EBF2: variants seen among roughly 807,000 people sequenced by gnomAD.
EBF2 encodes the protein transcription factor COE2.
In EBF2, 21 loss-of-function variants were observed where a neutral mutation model predicts 72.8. The ratio of observed to expected loss-of-function variants is 0.29; its 90% CI spans 0.20 to 0.42. EBF2 has a LOEUF of 0.42. Among genes scored for constraint, EBF2 ranks in the 10% least tolerant of loss-of-function variants. EBF2 has a pLI of 1.00. For synonymous variants in EBF2, 299 were observed against 274.2 expected (o/e 1.09, Z -0.89); for missense variants, 637 against 731.2 (o/e 0.87, Z 1.49).
intron 6 of EBF2, among the ~76,000 whole-genome samples, chr8:25,946,623 C>G (rs1437844140): frequency 6.6e-6 from 1 of 152,318 alleles, no homozygotes; most frequent in East Asian, 1.9e-4. Context: ...AATGACAACA[C>G]CCTCTTTGAC....
chr8:26,024,007 T>C (rs1189994913), intron 6 of EBF2, among the ~76,000 whole-genome samples: 1 of 152,182 alleles, frequency 6.6e-6, no homozygotes, highest in African/African-American at 2.4e-5. Context: ...CAAAGTAATG[T>C]CAAAATACTT....
intron 6 of EBF2, among the ~76,000 whole-genome samples, chr8:25,953,287 A>G (rs1048279685): frequency 2.6e-5 from 4 of 152,258 alleles, no homozygotes; most frequent in Non-Finnish European, 5.9e-5. Context: ...CATGTCTTCA[A>G]TGGCTGGCAC....
intron 6 of EBF2, among the ~76,000 whole-genome samples, chr8:25,989,062 T>C (rs1452516330): frequency 6.6e-6 from 1 of 152,232 alleles, no homozygotes; most frequent in Non-Finnish European, 1.5e-5. Context: ...CTAGGCTCTG[T>C]CACTTACTGA....
intron 6 of EBF2, among the ~76,000 whole-genome samples, chr8:26,027,996 C>G (rs1304656176): frequency 6.6e-6 from 1 of 152,040 alleles, no homozygotes; most frequent in Non-Finnish European, 1.5e-5. Flanking sequence ...TCAGTGGGTA[C>G]AGAGTTTTAG....
intron 6 of EBF2, among the ~76,000 whole-genome samples, chr8:25,979,890 A>G (rs1345812447): frequency 6.6e-6 from 1 of 151,782 alleles, no homozygotes; most frequent in Admixed American, 6.6e-5. Context: ...AATAACACCC[A>G]CCCAACCATC....
intron 6 of EBF2, among the ~76,000 whole-genome samples, chr8:25,935,049 A>T (rs1803553039): frequency 6.6e-6 from 1 of 152,166 alleles, no homozygotes; most frequent in Non-Finnish European, 1.5e-5. Flanking sequence ...AGCGGGCAGG[A>T]TCCCAACGCG....
intron 1 of EBF2, among the ~76,000 whole-genome samples, chr8:26,042,729 A>G (rs1286164235): frequency 6.6e-6 from 1 of 152,170 alleles, no homozygotes; most frequent in Non-Finnish European, 1.5e-5. Flanking sequence ...CCTTTTATTT[A>G]GTATTAATTC....
At chr8:26,010,190 G>A (rs895492365) in intron 6 of EBF2, among the ~76,000 whole-genome samples, 6 of 152,088 alleles carry the variant, frequency 3.9e-5, no homozygotes, top group South Asian at 2.1e-4. Context: ...TTGTCTGGCC[G>A]TGGCATTTTT....
chr8:25,907,458 T>G (rs1803055732), intron 7 of EBF2, among the ~76,000 whole-genome samples: 1 of 128,818 alleles, frequency 7.8e-6, no homozygotes, highest in Non-Finnish European at 1.7e-5. Context: ...AAAAAATTAT[T>G]CAGAATTTCA....
intron 6 of EBF2, among the ~76,000 whole-genome samples, chr8:25,947,099 C>T (rs1341718828): frequency 2.6e-5 from 4 of 152,146 alleles, no homozygotes; most frequent in Admixed American, 2.6e-4. Context: ...CAACCCATGA[C>T]CCACTGATAT....
At chr8:25,859,187 G>A (rs550275071) in intron 13 of EBF2, among the ~76,000 whole-genome samples, 2 of 152,330 alleles carry the variant, frequency 1.3e-5, no homozygotes, top group African/African-American at 4.8e-5. Context: ...AGGCTGGGCA[G>A]ATGTTATGCA....
At chr8:25,899,173 A>T (rs1802906755) in intron 7 of EBF2, among the ~76,000 whole-genome samples, 1 of 151,408 alleles carries the variant, frequency 6.6e-6, no homozygotes, top group Non-Finnish European at 1.5e-5. Flanking sequence ...GCCTGAAGTC[A>T]CTCCAGAGAG....
chr8:25,939,086 C>T (rs1430294585), intron 6 of EBF2, among the ~76,000 whole-genome samples: 1 of 152,060 alleles, frequency 6.6e-6, no homozygotes, highest in Non-Finnish European at 1.5e-5. Flanking sequence ...ACTTCATGCT[C>T]AAGACAAAAA....
At chr8:25,850,554 ATGGTACAT>A in intron 15 of EBF2, 32 bp downstream of exon 15, 1 of 1,495,866 alleles carries the variant, frequency 6.7e-7, no homozygotes, top group South Asian at 1.4e-5. Context: ...TGCCAACCCT[ATGGTACAT>A]TGTGTATCCC....
chr8:25,951,158 T>C (rs1187776019), intron 6 of EBF2, among the ~76,000 whole-genome samples: 2 of 152,224 alleles, frequency 1.3e-5, no homozygotes, highest in Non-Finnish European at 2.9e-5. Flanking sequence ...TATCACCATC[T>C]TATTTCATTA....
chr8:25,867,560 G>A (rs1319139291), intron 10 of EBF2, among the ~76,000 whole-genome samples: 1 of 152,188 alleles, frequency 6.6e-6, no homozygotes, highest in Admixed American at 6.5e-5. Context: ...TGCCTGTCTT[G>A]TAAATGATGC....
chr8:25,850,899 G>GT, intron 14 of EBF2, 138 bp from the exon 15 acceptor site: 2 of 913,972 alleles, frequency 2.2e-6, no homozygotes, highest in Non-Finnish European at 3.2e-6. Context: ...AAAGTTGAAT[G>GT]TGACAACATT....
At chr8:25,998,613 G>T (rs966178089) in intron 6 of EBF2, among the ~76,000 whole-genome samples, 1 of 152,168 alleles carries the variant, frequency 6.6e-6, no homozygotes, top group East Asian at 1.9e-4. Context: ...TCTGGGTTGT[G>T]TTTCAGAGTG....
Position 26,044,993 on chromosome 8 carries a change from C to T in EBF2, c.-134G>A. ...AGGGATCAAGTGCCCAAGTTTGAGT[C>T]TTAGAAAAAAAAAAAAGATAACCCG... On this transcript the variant is annotated 5_prime_UTR_variant, in exon 1 of 16. Transcript: ENST00000520164. The surrounding 1 kb of genome is among the most constrained non-coding windows in gnomAD (Gnocchi z 4.1). 3.4e-6 allele frequency: 3 copies of T among 891,784 alleles called. No homozygotes were observed. The highest frequency in any genetic ancestry group is 4.9e-6 in the Non-Finnish European group (3 of 612,956). The allele number at this position is 891,784 out of a possible 1,614,324, so 55.2% of individuals were successfully genotyped here. A position where few individuals can be genotyped will look rare whatever the true frequency, so the allele number is the denominator to read the frequency against.
Sources: allele counts gnomAD v4.1 joint callset (sites outside exome capture counted in the v4.1 genomes callset), GRCh38; gene constraint gnomAD v4.1.1; non-coding constraint Gnocchi (gnomAD v3.1); transcripts MANE v1.5; gene names NCBI Gene and HGNC (gene_info 2026-07-23, HGNC 2026-07-21).